Variants in USP24 observed in about 807,000 individuals in gnomAD.
USP24 encodes ubiquitin specific peptidase 24.
USP24 carries 97 observed loss-of-function variants against 361.6 expected under a neutral mutation model. The ratio of observed to expected loss-of-function variants is 0.27; its 90% CI spans 0.23 to 0.32. The LOEUF is 0.32. Among genes scored for constraint, USP24 ranks in the 10% least tolerant of loss-of-function variants. USP24 has a pLI of 1.00. For synonymous variants in USP24, 1,098 were observed against 1,124.6 expected (o/e 0.98, Z 0.47); for missense variants, 2,353 against 3,165.6 (o/e 0.74, Z 6.16).
intron 42 of USP24, 52 bp from the exon 43 acceptor site, chr1:55,101,755 C>A: frequency 1.3e-6 from 2 of 1,519,740 alleles, no homozygotes; most frequent in Non-Finnish European, 8.8e-7. Flanking sequence ...GCATTTCTGC[C>A]ACAGACACAT....
intron 51 of USP24, among the ~76,000 whole-genome samples, chr1:55,094,787 C>A (rs927198194): frequency 6.6e-6 from 1 of 151,658 alleles, no homozygotes; most frequent in Non-Finnish European, 1.5e-5. Context: ...TTGCTTGAGC[C>A]CAGGAGTTCC....
chr1:55,142,110 C>T (rs984643900), intron 23 of USP24, among the ~76,000 whole-genome samples: 1 of 152,108 alleles, frequency 6.6e-6, no homozygotes, highest in Non-Finnish European at 1.5e-5. Context: ...ATATTTATCA[C>T]CAGAAAGCTT....
rs768064814 is a variant in USP24, at chr1:55,138,662, A to C, written c.2874T>G (p.His958Gln). 1.6e-5 allele frequency: 26 copies of C among 1,613,222 alleles called. No individual in the cohort carries two copies. Among genetic ancestry groups the C allele is most frequent in the Admixed American group, 6.7e-5 (4 of 59,900 alleles). Residue 958 changes from histidine (H) to glutamine (Q), a missense_variant, in exon 26 of 68, where the codon CAT becomes CAG. This residue lies in a region of USP24 where 949 missense variants were observed against 1,280.5 expected (regional missense o/e 0.74). Transcript: ENST00000294383. ...CATAGGTAACATTAAGGGTTAAAAG[A>C]TGTCCATGAAATGAGGCACCATGAG... Reference protein sequence around the residue: ...ILPHGASFHGHLLTLNVTYES... With the variant: ...ILPHGASFHGQLLTLNVTYES...
intron 5 of USP24, 122 bp downstream of exon 5, chr1:55,171,434 G>T: frequency 8.1e-7 from 1 of 1,231,798 alleles, no homozygotes; most frequent in Non-Finnish European, 1.1e-6. Context: ...TGAGCCAGAT[G>T]GGATATTTGT....
intron 38 of USP24, among the ~76,000 whole-genome samples, chr1:55,119,893 AT>A (rs1290324364): frequency 6.6e-6 from 1 of 152,162 alleles, no homozygotes; most frequent in Admixed American, 6.6e-5. Context: ...GTTTAGGATG[AT>A]GCAAAAGTTT....
intron 38 of USP24, among the ~76,000 whole-genome samples, chr1:55,113,855 C>A (rs2100564425): frequency 6.6e-6 from 1 of 152,284 alleles, no homozygotes; most frequent in Admixed American, 6.5e-5. Flanking sequence ...TGGCACAAGA[C>A]AAGGATGACC....
rs186482597 is a variant in USP24, at chr1:55,116,742, G to C, written c.4508+3854C>G. On this transcript the variant is annotated intron_variant, in intron 38 of 67. Coordinates refer to ENST00000294383, the MANE Select transcript of USP24 (RefSeq NM_015306.3). ...CCCAACAAAGAAAAGCCCTGGACCA[G>C]ATGGCTTCACTGGTGAATTCTACCA... Among the ~76,000 whole-genome samples, 6 of 150,454 alleles carry C rather than the reference G, an allele frequency of 4.0e-5. No individual in the cohort carries two copies. The East Asian group carries it at 1.2e-3, about 29-fold the overall frequency.
intron 50 of USP24, among the ~76,000 whole-genome samples, 177 bp downstream of exon 50, chr1:55,096,321 C>A (rs1264756115): frequency 5.3e-5 from 8 of 152,148 alleles, no homozygotes; most frequent in African/African-American, 1.7e-4. Context: ...TTTTTATAAA[C>A]AGCTTGAACA....
chr1:55,144,055 CTTT>C, intron 21 of USP24, 69 bp downstream of exon 21: 1 of 1,084,914 alleles, frequency 9.2e-7, no homozygotes, highest in Non-Finnish European at 1.3e-6. Flanking sequence ...AATTATAACA[CTTT>C]TTTTTTTGCT....
intron 40 of USP24, 82 bp downstream of exon 40, chr1:55,107,157 C>T (rs1413941582): frequency 6.8e-7 from 1 of 1,463,104 alleles, no homozygotes. Flanking sequence ...TGGCATCTAT[C>T]TTATTTTCCC....
At chr1:55,150,269 C>T (rs1253505024) in intron 16 of USP24, among the ~76,000 whole-genome samples, 1 of 151,966 alleles carries the variant, frequency 6.6e-6, no homozygotes, top group African/African-American at 2.4e-5. Flanking sequence ...CATAATTGTT[C>T]AAAAAAAGGC....
At chr1:55,199,324 A>G (rs1399160194) in intron 1 of USP24, among the ~76,000 whole-genome samples, 1 of 151,992 alleles carries the variant, frequency 6.6e-6, no homozygotes, top group Non-Finnish European at 1.5e-5. Context: ...AAAAAACATG[A>G]TTAACAGATG....
intron 50 of USP24, 87 bp downstream of exon 50, chr1:55,096,411 G>A: frequency 9.0e-7 from 1 of 1,106,242 alleles, no homozygotes. Flanking sequence ...AAAATCTGTT[G>A]TGTTTTTATA....
chr1:55,101,697 G>A lies in USP24; in HGVS notation c.5032C>T (p.Pro1678Ser). 6.2e-7 allele frequency: 1 copy of A among 1,602,016 alleles called. No individual in the cohort carries two copies. The highest frequency in any genetic ancestry group is 8.5e-7 in the Non-Finnish European group (1 of 1,175,916). The stretch of plus-strand genomic sequence containing the variant: ...GAACTGGACCTGCTATCCACTGGGG[G>A]AAGGTACTGGAAAAGAGAGGAATAG... ...PALTKEFDYLPPVDSRSSSGF... is the reference protein window; with the variant it reads ...PALTKEFDYLSPVDSRSSSGF... Residue 1678 changes from proline to serine, a missense_variant, in exon 43 of 68, where the codon CCC becomes TCC. Pro to Ser is a moderately conservative substitution (Grantham distance 74). Transcript: ENST00000294383.
At chr1:55,077,087 GAC>G in intron 62 of USP24, 146 bp downstream of exon 62, 3 of 707,884 alleles carry the variant, frequency 4.2e-6, no homozygotes, top group Non-Finnish European at 6.2e-6. Flanking sequence ...AAATGCATTA[GAC>G]ACATGACTGA....
intron 1 of USP24, among the ~76,000 whole-genome samples, chr1:55,214,474 G>C (rs958883347): frequency 6.6e-6 from 1 of 151,638 alleles, no homozygotes; most frequent in African/African-American, 2.4e-5. Flanking sequence ...GATAGCCCTG[G>C]AGCCTCCTCC....
intron 43 of USP24, 115 bp from the exon 44 acceptor site, chr1:55,101,079 G>T: frequency 8.1e-7 from 1 of 1,240,592 alleles, no homozygotes; most frequent in Non-Finnish European, 1.1e-6. Context: ...TGTATGTTTG[G>T]ACATGGCTAT....
In USP24 at chr1:55,097,029, G is replaced by C. The variant is rs1189728898; in HGVS notation, c.5859C>G (p.Asn1953Lys). ...GTACGATGACACCGACAAGTTCATA[G>C]TTTTCTGTGAGGGCAACCTTTTTTC... ...SPRKKVALTE[N>K]YELVGVIVHS... The change falls in exon 49 of 68, where the codon AAC becomes AAG. Residue 1953 changes from asparagine (N) to lysine (K), a missense_variant. Transcript: ENST00000294383. 1 of 1,613,928 alleles carries C rather than the reference G, an allele frequency of 6.2e-7. No individual in the cohort carries two copies. Among genetic ancestry groups the C allele is most frequent in the East Asian group, 2.2e-5 (1 of 44,868 alleles).
intron 5 of USP24, among the ~76,000 whole-genome samples, chr1:55,171,065 T>C (rs1053886314): frequency 3.9e-5 from 6 of 152,230 alleles, no homozygotes; most frequent in Non-Finnish European, 8.8e-5. Context: ...TTAGATTATC[T>C]ACTTCTTGTG....
Sources: gnomAD v4.1 joint callset for allele counts (sites outside exome capture counted in the v4.1 genomes callset) on GRCh38, gnomAD v4.1.1 for gene constraint, gnomAD v4.1.1 regional missense constraint, MANE v1.5 for transcripts, NCBI Gene and HGNC (gene_info 2026-07-23, HGNC 2026-07-21) for gene names.